The following MTSS2 variants were observed in gnomAD, a reference collection of about 807,000 sequenced individuals.
The protein encoded by MTSS2 is MTSS I-BAR domain containing 2.
A neutral mutation model predicts 67.1 loss-of-function variants in MTSS2; 27 were observed. That is an observed-to-expected ratio of 0.40 (90% confidence interval 0.30 to 0.55). The LOEUF (loss-of-function observed/expected upper bound fraction) is 0.55. Among genes scored for constraint, MTSS2 ranks in the 20% least tolerant of loss-of-function variants. MTSS2 has a pLI of 0.43. For missense variants in MTSS2, 1,171 were observed against 1,067.8 expected, an observed-to-expected ratio of 1.10 and a Z score of -1.35; for synonymous variants, 624 against 468.6, an observed-to-expected ratio of 1.33 and a Z score of -4.28.
At chr16:70,676,023 C>T (rs1322755902) in intron 10 of MTSS2, among the ~76,000 whole-genome samples, 1 of 152,230 alleles carries the variant, frequency 6.6e-6, no homozygotes, top group Non-Finnish European at 1.5e-5. Context: ...GGGACGGCCA[C>T]CCACGCAGGG....
Position 70,661,935 on chromosome 16 carries a change from T to G in MTSS2, c.*1742A>C, listed in dbSNP as rs2052492020. The G allele has an allele frequency of 6.5e-6, 1 of 153,472 alleles. No homozygotes were observed. Among genetic ancestry groups the G allele is most frequent in the African/African-American group, 2.4e-5 (1 of 41,422 alleles). 9.5% of individuals were successfully genotyped at this position (153,472 alleles called of 1,614,324 possible). A position where few individuals can be genotyped will look rare whatever the true frequency, so the allele number is the denominator to read the frequency against. ...ATTCTACCCAAGACTCCCCAAATAA[T>G]TGGTCACCTGCTCTCCTGGCCCCTA... is the stretch of plus-strand genomic sequence containing the variant. On this transcript the variant is annotated 3_prime_UTR_variant, in exon 15 of 15. Coordinates refer to ENST00000338779, the MANE Select transcript of MTSS2 (RefSeq NM_138383.3).
intron 11 of MTSS2, among the ~76,000 whole-genome samples, chr16:70,672,647 C>G (rs530247665): frequency 5.5e-5 from 7 of 126,312 alleles, no homozygotes; most frequent in Non-Finnish European, 1.2e-4. Context: ...AAAAAAAACC[C>G]AAACAAAAAA....
intron 2 of MTSS2, 36 bp downstream of exon 2, chr16:70,680,928 G>A: frequency 6.4e-7 from 1 of 1,560,580 alleles, no homozygotes; most frequent in Non-Finnish European, 8.7e-7. Context: ...GCCTCTGCCT[G>A]CCCCTCCCCT....
chr16:70,676,871 C>G lies in MTSS2; in HGVS notation c.830+10G>C. The G allele has an allele frequency of 6.2e-7, 1 of 1,611,754 alleles. No homozygotes were observed. Among genetic ancestry groups the G allele is most frequent in the Non-Finnish European group, 8.5e-7 (1 of 1,179,444 alleles). On this transcript the variant is annotated intron_variant, in intron 10 of 14. Transcript: ENST00000338779. ...CCCCCCACACCCCTGGGAACCCCACCCCCACTGACCTGCACATGCTGGACT... is the reference window on the plus strand; with the variant it reads ...CCCCCCACACCCCTGGGAACCCCACGCCCACTGACCTGCACATGCTGGACT...
chr16:70,680,278 C>T (rs909461684), intron 3 of MTSS2, among the ~76,000 whole-genome samples: 2 of 152,124 alleles, frequency 1.3e-5, no homozygotes, highest in African/African-American at 2.4e-5. Context: ...GGCGGCCTCC[C>T]CTCTCTCCCA....
chr16:70,663,645 T>A lies in MTSS2; in HGVS notation c.*32A>T. 2.6e-6 allele frequency: 4 copies of A among 1,531,040 alleles called. No individual in the cohort carries two copies. Among genetic ancestry groups the A allele is most frequent in the Non-Finnish European group, 3.5e-6 (4 of 1,139,410 alleles). 94.8% of individuals were successfully genotyped at this position (1,531,040 alleles called of 1,614,324 possible). A position where few individuals can be genotyped will look rare whatever the true frequency, so the allele number is the denominator to read the frequency against. ...CACAGACCAGGCCACCTGCTCGCAC[T>A]GGGGCCTGAGAGGATGGGGAGGGTG... On this transcript the variant is annotated 3_prime_UTR_variant, in exon 15 of 15. Coordinates refer to ENST00000338779, the MANE Select transcript of MTSS2 (RefSeq NM_138383.3).
intron 11 of MTSS2, among the ~76,000 whole-genome samples, chr16:70,667,406 A>G (rs554125062): frequency 1.6e-4 from 25 of 152,336 alleles, no homozygotes; most frequent in African/African-American, 5.8e-4. Flanking sequence ...TATTAGAACA[A>G]AATCCGAAAA....
chr16:70,666,274 C>T (rs972385746), intron 11 of MTSS2, among the ~76,000 whole-genome samples: 1 of 152,056 alleles, frequency 6.6e-6, no homozygotes, highest in Non-Finnish European at 1.5e-5. Context: ...CCGAGGAGAA[C>T]TGCTACCATA....
chr16:70,680,918 G>GGGGGGGCCCCC, intron 2 of MTSS2, 46 bp downstream of exon 2: 1 of 1,097,928 alleles, frequency 9.1e-7, no homozygotes, highest in East Asian at 2.6e-5. Context: ...CGGGGGGGGG[G>GGGGGGGCCCCC]CCTCTGCCTG....
Position 70,663,237 on chromosome 16 carries a change from A to C in MTSS2, c.*440T>G. 3 of 169,770 alleles carry C rather than the reference A, an allele frequency of 1.8e-5. No individual in the cohort carries two copies. The highest frequency in any genetic ancestry group is 3.8e-5 in the Non-Finnish European group (3 of 79,378). 10.5% of individuals were successfully genotyped at this position (169,770 alleles called of 1,614,324 possible). A position where few individuals can be genotyped will look rare whatever the true frequency, so the allele number is the denominator to read the frequency against. The stretch of plus-strand genomic sequence containing the variant: ...GCCTGGGAGAGGCAGAGAGAAGGCA[A>C]GAGGGGAGGAGGGGGCTCAGGCAGG... On this transcript the variant is annotated 3_prime_UTR_variant, in exon 15 of 15. Coordinates refer to ENST00000338779, the MANE Select transcript of MTSS2 (RefSeq NM_138383.3).
rs1290345231 is a variant in MTSS2, at chr16:70,664,322, G to C, written c.1599C>G (p.Thr533=). ...IAQNYRRLIQ[T]KRPASTAGLP... The stretch of plus-strand genomic sequence containing the variant: ...GCCCAGCAGTGGAGGCTGGGCGCTT[G>C]GTCTGGATCAGGCGGCGGTAGTTCT... Residue 533 remains threonine (T), a synonymous_variant, in exon 15 of 15, where the codon ACC becomes ACG. Transcript: ENST00000338779. 1 of 1,595,298 alleles carries C rather than the reference G, an allele frequency of 6.3e-7. No homozygotes were observed. Among genetic ancestry groups the C allele is most frequent in the Admixed American group, 1.8e-5 (1 of 56,036 alleles).
intron 10 of MTSS2, among the ~76,000 whole-genome samples, chr16:70,676,314 C>T (rs879724030): frequency 2.6e-5 from 4 of 152,234 alleles, no homozygotes; most frequent in Admixed American, 2.0e-4. Context: ...GTGAGGCTCC[C>T]GGGGCTAGCC....
rs767174116 is a variant in MTSS2 at position 70,665,021 on chromosome 16, G to A, written c.1204C>T (p.Leu402=). 2 of 1,596,456 alleles carry A rather than the reference G, an allele frequency of 1.3e-6. No individual in the cohort carries two copies. Among genetic ancestry groups the A allele is most frequent in the Admixed American group, 3.3e-5 (2 of 59,718 alleles). ...LQRRKDRVEL[L]RDTEPGPASG... ...GCAGGGCCTGGCTCTGTGTCTCGCA[G>A]GAGCTCCACTCGGTCCTTCCTCCGC... is the stretch of plus-strand genomic sequence containing the variant. The change falls in exon 13 of 15, where the codon CTG becomes TTG. Residue 402 remains leucine, a synonymous_variant. Coordinates refer to ENST00000338779, the MANE Select transcript of MTSS2 (RefSeq NM_138383.3).
At chr16:70,683,581 T>C (rs932926553) in intron 1 of MTSS2, among the ~76,000 whole-genome samples, 4 of 152,200 alleles carry the variant, frequency 2.6e-5, no homozygotes, top group African/African-American at 9.6e-5. Context: ...CTATGACCTT[T>C]GGCAAGTCTC....
chr16:70,685,781 G>A lies in MTSS2; in HGVS notation c.11C>T (p.Ala4Val). 2 of 1,377,206 alleles carry A rather than the reference G, an allele frequency of 1.5e-6. No homozygotes were observed. The highest frequency in any genetic ancestry group is 1.3e-5 in the South Asian group (1 of 74,298). The allele number at this position is 1,377,206 out of a possible 1,614,324, so 85.3% of individuals were successfully genotyped here. A position where few individuals can be genotyped will look rare whatever the true frequency, so the allele number is the denominator to read the frequency against. The change falls in exon 1 of 15, where the codon GCG becomes GTG. Residue 4 changes from alanine (A) to valine (V), a missense_variant. By Grantham distance (64) the Ala-to-Val change is moderately conservative. This residue lies in a region of MTSS2 where 247 missense variants were observed against 311.8 expected (regional missense o/e 0.79). Coordinates refer to ENST00000338779, the MANE Select transcript of MTSS2 (RefSeq NM_138383.3). ...GCCCAGGGCGCCGCACTCCTTCTCC[G>A]CCGTCTCCATGCTCTGGCTGGGCCG... Reference protein sequence around the residue: METAEKECGALGGL... With the variant: METVEKECGALGGL...
At chr16:70,685,435 T>C (rs896103313) in intron 1 of MTSS2, among the ~76,000 whole-genome samples, 9 of 152,088 alleles carry the variant, frequency 5.9e-5, no homozygotes, top group African/African-American at 2.2e-4. Flanking sequence ...ACCCCATTCA[T>C]GGTTTGGCGG....
Position 70,685,860 on chromosome 16 carries a change from G to T in MTSS2, c.-69C>A. Reference sequence around the variant, plus strand: ...CGCGGGGAGCAGCGCAAGGGAGGGGGCCAGGCCGCGCGGGCGCTCGCTCCG... The same window carrying T: ...CGCGGGGAGCAGCGCAAGGGAGGGGTCCAGGCCGCGCGGGCGCTCGCTCCG... On this transcript the variant is annotated 5_prime_UTR_variant, in exon 1 of 15. Transcript: ENST00000338779. The T allele has an allele frequency of 2.2e-6, 2 of 922,514 alleles. No homozygotes were observed. The highest frequency in any genetic ancestry group is 2.6e-6 in the Non-Finnish European group (2 of 759,752). The allele number at this position is 922,514 out of a possible 1,614,324, so 57.1% of individuals were successfully genotyped here. A position where few individuals can be genotyped will look rare whatever the true frequency, so the allele number is the denominator to read the frequency against.
rs201007320 is a variant in MTSS2, at chr16:70,678,360, G to A, written c.516C>T (p.Asn172=). Residue 172 remains asparagine, a synonymous_variant, in exon 8 of 15, where the codon AAC becomes AAT. Coordinates refer to ENST00000338779, the MANE Select transcript of MTSS2 (RefSeq NM_138383.3). ...TCTCCTCCAGCAGCAGGTACATGTCGTTGACGTCCTGCAGGGCACTGTCCA... is the reference window on the plus strand; with the variant it reads ...TCTCCTCCAGCAGCAGGTACATGTCATTGACGTCCTGCAGGGCACTGTCCA... The part of the protein sequence containing the change: ...PQLDSALQDV[N]DMYLLLEETE... The A allele has an allele frequency of 8.1e-6, 13 of 1,612,938 alleles. No individual in the cohort carries two copies. The highest frequency in any genetic ancestry group is 2.2e-5 in the East Asian group (1 of 44,872).
chr16:70,669,236 T>C (rs754264721), intron 11 of MTSS2, among the ~76,000 whole-genome samples: 11 of 151,804 alleles, frequency 7.2e-5, no homozygotes, highest in Non-Finnish European at 1.3e-4. Context: ...AGGTACCCAA[T>C]AGAAGGAGAG....
Sources: gnomAD v4.1 joint callset for allele counts (sites outside exome capture counted in the v4.1 genomes callset) on GRCh38, gnomAD v4.1.1 for gene constraint, gnomAD v4.1.1 regional missense constraint, MANE v1.5 for transcripts, NCBI Gene and HGNC (gene_info 2026-07-23, HGNC 2026-07-21) for gene names.